MAP2: variants seen among roughly 807,000 people sequenced by gnomAD.
MAP2 encodes the protein microtubule-associated protein 2.
A neutral mutation model predicts 137.6 loss-of-function variants in MAP2; 14 were observed. The ratio of observed to expected loss-of-function variants is 0.10; its 90% CI spans 0.07 to 0.16. The LOEUF (loss-of-function observed/expected upper bound fraction) is 0.16. Ranked by LOEUF, MAP2 falls within the 10% of genes least tolerant of loss-of-function variation. The pLI, the probability that MAP2 is intolerant of heterozygous loss-of-function variation, is 1.00. For synonymous variants in MAP2, 786 were observed against 782.3 expected (o/e 1.00, Z -0.08); for missense variants, 2,088 against 2,191.5 (o/e 0.95, Z 0.94).
intron 2 of MAP2, among the ~76,000 whole-genome samples, chr2:209,560,752 A>T (rs879443374): frequency 3.3e-5 from 5 of 152,108 alleles, no homozygotes; most frequent in Admixed American, 3.3e-4. Context: ...CTATGATTCT[A>T]TTTCAAGTAA....
At chr2:209,546,607 T>C (rs952125659) in intron 2 of MAP2, among the ~76,000 whole-genome samples, 1 of 152,198 alleles carries the variant, frequency 6.6e-6, no homozygotes, top group Non-Finnish European at 1.5e-5. Flanking sequence ...CTATGGAAAG[T>C]AGATGAGACA....
Position 209,693,013 on chromosome 2 carries a change from T to A in MAP2, c.843T>A (p.Val281=), listed in dbSNP as rs890168493. The A allele has an allele frequency of 6.2e-7, 1 of 1,613,086 alleles. No individual in the cohort carries two copies. Among genetic ancestry groups the A allele is most frequent in the African/African-American group, 1.3e-5 (1 of 74,942 alleles). Residue 281 remains valine (V), a synonymous_variant, in exon 8 of 16, where the codon GTT becomes GTA. Coordinates refer to ENST00000682079, the MANE Select transcript of MAP2 (RefSeq NM_001375505.1). ...CAAAAAAGGATGAGTGGGGTTTAGTTGCCCCCATATCTCCTGGCCCTCTGA... is the reference window on the plus strand; with the variant it reads ...CAAAAAAGGATGAGTGGGGTTTAGTAGCCCCCATATCTCCTGGCCCTCTGA... ...TEAKKDEWGL[V]APISPGPLTP...
At chr2:209,589,934 C>T (rs1164910556) in intron 3 of MAP2, among the ~76,000 whole-genome samples, 1 of 152,158 alleles carries the variant, frequency 6.6e-6, no homozygotes, top group Non-Finnish European at 1.5e-5. Flanking sequence ...AACTGGATCT[C>T]AGTTCTGGTC....
At chr2:209,565,556 G>A (rs1398032742) in intron 2 of MAP2, among the ~76,000 whole-genome samples, 1 of 152,114 alleles carries the variant, frequency 6.6e-6, no homozygotes, top group African/African-American at 2.4e-5. Context: ...AATTATATCT[G>A]TATTTCCTTA....
intron 4 of MAP2, among the ~76,000 whole-genome samples, chr2:209,644,496 G>A (rs961147834): frequency 1.3e-5 from 2 of 151,850 alleles, no homozygotes; most frequent in African/African-American, 2.4e-5. Context: ...ATATAGTGTT[G>A]GCCAAACATC....
At chr2:209,644,786 A>G (rs1278197968) in intron 4 of MAP2, among the ~76,000 whole-genome samples, 1 of 152,172 alleles carries the variant, frequency 6.6e-6, no homozygotes, top group Non-Finnish European at 1.5e-5. Context: ...ATACTTTCAA[A>G]TAACCCCTTT....
chr2:209,700,727 T>C (rs1477227362), intron 11 of MAP2, among the ~76,000 whole-genome samples: 1 of 152,100 alleles, frequency 6.6e-6, no homozygotes, highest in African/African-American at 2.4e-5. Flanking sequence ...TATGACCAAA[T>C]GAAGCACTGC....
Position 209,730,566 on chromosome 2 carries a change from C to A in MAP2, c.*169C>A, listed in dbSNP as rs1387420329. 5.0e-6 allele frequency: 3 copies of A among 603,304 alleles called. No homozygotes were observed. The African/African-American group carries it at 5.6e-5, about 11-fold the overall frequency. The allele number at this position is 603,304 out of a possible 1,614,324, so 37.4% of individuals were successfully genotyped here. On this transcript the variant is annotated 3_prime_UTR_variant, in exon 16 of 16. Transcript: ENST00000682079. ...CTATTTAAAAAATGAATAGTACATG[C>A]AGAAATTGACCTGATTTCCATTTGC...
At chr2:209,514,141 A>G (rs545400172) in intron 2 of MAP2, among the ~76,000 whole-genome samples, 37 of 152,230 alleles carry the variant, frequency 2.4e-4, no homozygotes, top group African/African-American at 8.7e-4. Context: ...GTCACTTTGT[A>G]TCATATGTAA....
At chr2:209,643,247 A>T (rs887953791) in intron 4 of MAP2, among the ~76,000 whole-genome samples, 5 of 152,244 alleles carry the variant, frequency 3.3e-5, no homozygotes, top group Admixed American at 3.3e-4. Context: ...CCTTTTGCCA[A>T]TTTTTGAGAG....
rs199575901 is a variant in MAP2 at position 209,693,611 on chromosome 2, T to A, written c.1441T>A (p.Phe481Ile). Residue 481 changes from phenylalanine (F) to isoleucine (I), a missense_variant, in exon 8 of 16, where the codon TTC (phenylalanine) becomes ATC (isoleucine). Phe to Ile is a conservative substitution (Grantham distance 21, BLOSUM62 0). Around this residue, in one of 6 missense-constraint regions of MAP2, gnomAD observed 859 missense variants for 794.5 expected, o/e 1.08. Transcript: ENST00000682079. ...GIIQTSTEHT[F>I]SEQKDQEPTT... is the part of the protein sequence containing the mutation. ...AATTCAGACCTCCACAGAGCACACTTTCTCAGAACAGAAAGACCAAGAGCC... is the reference window on the plus strand; with the variant it reads ...AATTCAGACCTCCACAGAGCACACTATCTCAGAACAGAAAGACCAAGAGCC... 35 of 1,613,730 alleles carry A rather than the reference T, an allele frequency of 2.2e-5. No individual in the cohort carries two copies. Among genetic ancestry groups the A allele is most frequent in the Non-Finnish European group, 1.0e-5 (12 of 1,179,990 alleles).
At chr2:209,564,756 T>G (rs77338467) in intron 2 of MAP2, among the ~76,000 whole-genome samples, 2,989 of 152,186 alleles carry the variant, frequency 0.02, 97 homozygotes, top group African/African-American at 0.068. Flanking sequence ...TTTGGCTCAT[T>G]ATCATCAGAT....
intron 1 of MAP2, among the ~76,000 whole-genome samples, chr2:209,450,820 C>G (rs1315063654): frequency 6.6e-6 from 1 of 152,022 alleles, no homozygotes; most frequent in Non-Finnish European, 1.5e-5. Context: ...GAAATCACCT[C>G]AGTGTAGCTT....
chr2:209,648,246 C>A (rs2094535441), intron 4 of MAP2, among the ~76,000 whole-genome samples: 1 of 151,872 alleles, frequency 6.6e-6, no homozygotes. Flanking sequence ...GAACTACAGG[C>A]ACACACCACC....
intron 3 of MAP2, among the ~76,000 whole-genome samples, chr2:209,606,135 G>T (rs532654806): frequency 1.1e-3 from 161 of 151,994 alleles, no homozygotes; most frequent in Middle Eastern, 3.4e-3. Context: ...ACTCAAAATC[G>T]TATATCAAGC....
At chr2:209,497,559 G>C (rs2059900762) in intron 1 of MAP2, among the ~76,000 whole-genome samples, 1 of 152,194 alleles carries the variant, frequency 6.6e-6, no homozygotes. Flanking sequence ...AAAGAAAAGA[G>C]GTTTAATTGG....
rs143668617 is a variant in MAP2 at position 209,642,276 on chromosome 2, T to C, written c.-29-10866T>C. On this transcript the variant is annotated intron_variant, in intron 4 of 15. Transcript: ENST00000682079. The stretch of plus-strand genomic sequence containing the variant: ...ACAAGACCCATCTCTTGGTGGTGGA[T>C]GGGGGGGATTAGCTGGCTATAGTGA... Among the ~76,000 whole-genome samples the C allele has an allele frequency of 4.0e-4, 60 of 151,314 alleles. 1 individual carries two copies. Among genetic ancestry groups the C allele is most frequent in the African/African-American group, 1.4e-3 (58 of 41,256 alleles).
rs1171026228 is a variant in MAP2, at chr2:209,653,205, C to T, written c.35C>T (p.Pro12Leu). The T allele has an allele frequency of 1.9e-6, 3 of 1,607,724 alleles. No homozygotes were observed. Among genetic ancestry groups the T allele is most frequent in the Non-Finnish European group, 2.5e-6 (3 of 1,177,670 alleles). The change falls in exon 5 of 16, where the codon CCT becomes CTT. Residue 12 changes from proline to leucine, a missense_variant. Physicochemically the swap from Pro to Leu is moderately conservative, Grantham distance 98. This residue lies in a region of MAP2 where 859 missense variants were observed against 794.5 expected (regional missense o/e 1.08). Coordinates refer to ENST00000682079, the MANE Select transcript of MAP2 (RefSeq NM_001375505.1). The stretch of plus-strand genomic sequence containing the variant: ...GAACGGAAAGATGAAGCAAAGGCAC[C>T]TCACTGGACCTCAGCACCGCTAACA... ...ADERKDEAKA[P>L]HWTSAPLTEA...
chr2:209,710,640 A>G (rs1474501008), intron 13 of MAP2: 1 of 163,904 alleles, frequency 6.1e-6, no homozygotes, highest in African/African-American at 2.4e-5. Flanking sequence ...AGTGATTCCA[A>G]TTTTATCTCC....
Sources: allele counts gnomAD v4.1 joint callset (sites outside exome capture counted in the v4.1 genomes callset), GRCh38; gene constraint gnomAD v4.1.1; regional missense constraint gnomAD v4.1.1; transcripts MANE v1.5; gene names NCBI Gene and HGNC (gene_info 2026-07-23, HGNC 2026-07-21).